Variants in TMEM117 observed in about 807,000 individuals in gnomAD.
The protein encoded by TMEM117 is transmembrane protein 117.
TMEM117 carries 27 observed loss-of-function variants against 52.4 expected under a neutral mutation model. The ratio of observed to expected loss-of-function variants is 0.51; its 90% CI spans 0.38 to 0.71. The LOEUF is 0.71. Among genes scored for constraint, TMEM117 ranks in the 30% least tolerant of loss-of-function variants. TMEM117 has a pLI of 0.00. For missense variants in TMEM117, 556 were observed against 630.5 expected (o/e 0.88, Z 1.26); for synonymous variants, 215 against 206.3 (o/e 1.04, Z -0.36).
At chr12:44,062,276 T>C (rs966657104) in intron 3 of TMEM117, among the ~76,000 whole-genome samples, 3 of 152,180 alleles carry the variant, frequency 2.0e-5, no homozygotes, top group African/African-American at 7.2e-5. Context: ...AGGATATATT[T>C]AGGTAGGAAG....
At chr12:43,907,312 A>C (rs908618628) in intron 2 of TMEM117, among the ~76,000 whole-genome samples, 2 of 151,148 alleles carry the variant, frequency 1.3e-5, no homozygotes, top group African/African-American at 2.4e-5. Context: ...AAACTAACAA[A>C]CAGAAAGGAC....
intron 2 of TMEM117, among the ~76,000 whole-genome samples, chr12:43,893,354 A>G (rs777091831): frequency 2.6e-5 from 4 of 152,208 alleles, no homozygotes; most frequent in Non-Finnish European, 4.4e-5. Flanking sequence ...AGAGCAGTGA[A>G]GAGGCGAGGA....
At chr12:44,114,479 A>G (rs1948100056) in intron 3 of TMEM117, among the ~76,000 whole-genome samples, 3 of 152,192 alleles carry the variant, frequency 2.0e-5, no homozygotes, top group Non-Finnish European at 2.9e-5. Context: ...AGATCTCAAG[A>G]GAACCTTTTT....
intron 2 of TMEM117, among the ~76,000 whole-genome samples, chr12:43,875,938 T>C (rs867941555): frequency 2.8e-4 from 43 of 152,178 alleles, no homozygotes; most frequent in Middle Eastern, 3.2e-3. Context: ...GTCCACTTAT[T>C]CATATGGAAT....
chr12:44,092,680 C>T (rs1243888100), intron 3 of TMEM117, among the ~76,000 whole-genome samples: 3 of 152,108 alleles, frequency 2.0e-5, no homozygotes, highest in Admixed American at 2.0e-4. Flanking sequence ...GAAAACCAGA[C>T]GTCTACCCAG....
chr12:44,000,580 G>T (rs1276378920), intron 3 of TMEM117, among the ~76,000 whole-genome samples: 1 of 152,112 alleles, frequency 6.6e-6, no homozygotes, highest in Non-Finnish European at 1.5e-5. Context: ...CTTTGGACAG[G>T]CCTGGGCAAC....
At chr12:43,984,005 A>G (rs1945804817) in intron 3 of TMEM117, among the ~76,000 whole-genome samples, 1 of 152,180 alleles carries the variant, frequency 6.6e-6, no homozygotes, top group South Asian at 2.1e-4. Context: ...TAAACTGGAA[A>G]GCCACTGTTA....
intron 6 of TMEM117, among the ~76,000 whole-genome samples, chr12:44,307,230 A>C (rs1215801683): frequency 1.3e-5 from 2 of 152,202 alleles, no homozygotes; most frequent in African/African-American, 2.4e-5. Flanking sequence ...ACCTATGTTA[A>C]TTAAATAGTC....
chr12:44,093,324 T>C (rs1295880029), intron 3 of TMEM117, among the ~76,000 whole-genome samples: 3 of 152,190 alleles, frequency 2.0e-5, no homozygotes, highest in Non-Finnish European at 4.4e-5. Flanking sequence ...TTCTAATTGA[T>C]ACTGTTTTCA....
intron 5 of TMEM117, among the ~76,000 whole-genome samples, chr12:44,215,145 T>C (rs1418900110): frequency 6.6e-6 from 1 of 152,232 alleles, no homozygotes; most frequent in East Asian, 1.9e-4. Context: ...AAAGGAAATC[T>C]TTCTTAAGTT....
intron 5 of TMEM117, among the ~76,000 whole-genome samples, chr12:44,224,697 C>G (rs540547992): frequency 6.6e-6 from 1 of 152,086 alleles, no homozygotes; most frequent in African/African-American, 2.4e-5. Flanking sequence ...GTCCCCCAAT[C>G]GCTTGATCTG....
chr12:44,245,259 A>G (rs1291054764), intron 5 of TMEM117, among the ~76,000 whole-genome samples: 1 of 151,828 alleles, frequency 6.6e-6, no homozygotes, highest in Non-Finnish European at 1.5e-5. Flanking sequence ...TATAGTAGCA[A>G]TTGCCTTGAC....
At chr12:44,359,689 C>T (rs190633783) in intron 6 of TMEM117, among the ~76,000 whole-genome samples, 14 of 151,492 alleles carry the variant, frequency 9.2e-5, no homozygotes, top group Admixed American at 2.0e-4. Flanking sequence ...AGAAAATTTC[C>T]GGGAATAGAA....
chr12:44,284,780 A>G (rs1380554906), intron 5 of TMEM117, among the ~76,000 whole-genome samples: 1 of 152,096 alleles, frequency 6.6e-6, no homozygotes, highest in Non-Finnish European at 1.5e-5. Flanking sequence ...GGCATAGGCC[A>G]TCTCCTAATG....
intron 2 of TMEM117, among the ~76,000 whole-genome samples, chr12:43,907,794 G>GA (rs1312801338): frequency 1.4e-5 from 2 of 144,014 alleles, no homozygotes; most frequent in African/African-American, 2.5e-5. Flanking sequence ...GAAGTTTAGA[G>GA]AAAAAAGAAT....
intron 6 of TMEM117, among the ~76,000 whole-genome samples, chr12:44,362,927 A>G (rs1951741517): frequency 1.3e-5 from 2 of 150,996 alleles, no homozygotes; most frequent in African/African-American, 2.4e-5. Context: ...ATCTCGGCTC[A>G]CTACAACCTC....
At chr12:44,341,181 T>A (rs569140792) in intron 6 of TMEM117, among the ~76,000 whole-genome samples, 16 of 150,892 alleles carry the variant, frequency 1.1e-4, no homozygotes, top group African/African-American at 2.7e-4. Context: ...AAAAAAAAAA[T>A]TTTAAAGTCA....
intron 3 of TMEM117, among the ~76,000 whole-genome samples, chr12:44,002,551 T>G (rs2137782100): frequency 6.6e-6 from 1 of 152,292 alleles, no homozygotes. Context: ...ACTTCATCCC[T>G]AACTCCCAGC....
In TMEM117 at chr12:44,211,324, C is replaced by G; in HGVS notation, c.545C>G (p.Pro182Arg). 1 of 1,612,466 alleles carries G rather than the reference C, an allele frequency of 6.2e-7. No individual in the cohort carries two copies. The stretch of plus-strand genomic sequence containing the variant: ...ATGATGCTTCAGGACAAACCCTATC[C>G]TGACTGGGGAAAATCAGCAAGAGCT... ...TDMMLQDKPYPDWGKSARAFW... is the reference protein window; with the variant it reads ...TDMMLQDKPYRDWGKSARAFW... Residue 182 changes from proline (P) to arginine (R), a missense_variant, in exon 5 of 8, where the codon CCT becomes CGT. Physicochemically the swap from Pro to Arg is moderately radical, Grantham distance 103. Transcript: ENST00000266534.
Sources: gnomAD v4.1 joint callset for allele counts (sites outside exome capture counted in the v4.1 genomes callset) on GRCh38, gnomAD v4.1.1 for gene constraint, MANE v1.5 for transcripts, NCBI Gene and HGNC (gene_info 2026-07-23, HGNC 2026-07-21) for gene names.